The following CLINT1 variants were observed in gnomAD, a reference collection of about 807,000 sequenced individuals.
CLINT1 encodes the protein clathrin interacting protein localized in the trans-Golgi region.
Under a neutral mutation model 70.4 loss-of-function variants are expected in CLINT1, and 15 were observed. The observed-to-expected ratio is 0.21, with a 90% CI of 0.14 to 0.33. The LOEUF (loss-of-function observed/expected upper bound fraction) is 0.33, where lower values mean the gene tolerates loss of function less well. Among genes scored for constraint, CLINT1 ranks in the 10% least tolerant of loss-of-function variants. The pLI is 1.00. For synonymous variants in CLINT1, 227 were observed against 254.7 expected (o/e 0.89, Z 1.04); for missense variants, 615 against 778.1 (o/e 0.79, Z 2.49).
intron 1 of CLINT1, among the ~76,000 whole-genome samples, chr5:157,848,107 A>G (rs1184816801): frequency 3.9e-5 from 6 of 152,040 alleles, no homozygotes; most frequent in Non-Finnish European, 8.8e-5. Context: ...CACCTGGCCA[A>G]AAAAAATTTT....
At chr5:157,789,065 C>T (rs966442678) in intron 11 of CLINT1, among the ~76,000 whole-genome samples, 2 of 150,864 alleles carry the variant, frequency 1.3e-5, no homozygotes, top group East Asian at 1.9e-4. Context: ...GTTTGTCCAT[C>T]GTATTTGCCT....
chr5:157,847,510 CAA>C (rs71285035), intron 1 of CLINT1, among the ~76,000 whole-genome samples: 2 of 135,010 alleles, frequency 1.5e-5, no homozygotes, highest in Admixed American at 7.5e-5. Context: ...GACTCCGTCT[CAA>C]AAAAAAAAAA....
intron 1 of CLINT1, among the ~76,000 whole-genome samples, chr5:157,846,188 G>A (rs1382613235): frequency 6.6e-6 from 1 of 152,198 alleles, no homozygotes; most frequent in Non-Finnish European, 1.5e-5. Context: ...AGCTTAGGAA[G>A]GTATGTTGAA....
At chr5:157,816,883 G>T in intron 2 of CLINT1, 53 bp from the exon 3 acceptor site, 1 of 1,279,476 alleles carries the variant, frequency 7.8e-7, no homozygotes, top group Non-Finnish European at 1.1e-6. Flanking sequence ...TTTGACAGTA[G>T]ATGGCAGACT....
chr5:157,853,977 A>G lies in CLINT1; in HGVS notation c.41+4953T>C, dbSNP rs1342070752. Among the ~76,000 whole-genome samples, 5 of 152,090 alleles carry G rather than the reference A, an allele frequency of 3.3e-5. No homozygotes were observed. The East Asian group carries it at 7.7e-4, about 23-fold the overall frequency. On this transcript the variant is annotated intron_variant, in intron 1 of 11. Transcript: ENST00000411809. Reference sequence around the variant, plus strand: ...ATCTTTCTTTGGAATTAAATTCCTAATATCTACTTGTGTCCAGTTACTAGA... The same window carrying G: ...ATCTTTCTTTGGAATTAAATTCCTAGTATCTACTTGTGTCCAGTTACTAGA...
chr5:157,832,030 C>G (rs753475119), intron 1 of CLINT1, among the ~76,000 whole-genome samples: 1 of 151,954 alleles, frequency 6.6e-6, no homozygotes, highest in Non-Finnish European at 1.5e-5. Flanking sequence ...CACTGTCCCC[C>G]AAGCTGGAGT....
Position 157,785,965 on chromosome 5 carries a change from T to C in CLINT1, c.*1681A>G, listed in dbSNP as rs1267345937. 1 of 152,166 alleles carries C rather than the reference T, an allele frequency of 6.6e-6. No individual in the cohort carries two copies. Among genetic ancestry groups the C allele is most frequent in the Non-Finnish European group, 1.5e-5 (1 of 68,008 alleles). The allele number at this position is 152,166 out of a possible 1,614,324, so 9.4% of individuals were successfully genotyped here. On this transcript the variant is annotated 3_prime_UTR_variant, in exon 12 of 12. Transcript: ENST00000411809. Reference sequence around the variant, plus strand: ...TTAAACACATTGAATTGTTGAAAGATTAAAAACCGCAGTCAGCTAATTACA... The same window carrying C: ...TTAAACACATTGAATTGTTGAAAGACTAAAAACCGCAGTCAGCTAATTACA...
chr5:157,812,023 T>TAAAAAAAAA (rs370230447), intron 5 of CLINT1, among the ~76,000 whole-genome samples: 2 of 150,870 alleles, frequency 1.3e-5, no homozygotes, highest in African/African-American at 4.9e-5. Context: ...TAGCCCTATT[T>TAAAAAAAAA]AAAAAAAAGA....
At chr5:157,847,510 C>CA (rs71285035) in intron 1 of CLINT1, among the ~76,000 whole-genome samples, 10,932 of 134,710 alleles carry the variant, frequency 0.081, 562 homozygotes, top group Non-Finnish European at 0.12. Context: ...GACTCCGTCT[C>CA]AAAAAAAAAA....
At chr5:157,823,198 A>T (rs1185038104) in intron 1 of CLINT1, among the ~76,000 whole-genome samples, 1 of 152,232 alleles carries the variant, frequency 6.6e-6, no homozygotes, top group East Asian at 1.9e-4. Context: ...TAAAAGACAG[A>T]AACATCTGGA....
At chr5:157,812,619 G>A (rs188175505) in intron 5 of CLINT1, among the ~76,000 whole-genome samples, 10 of 152,266 alleles carry the variant, frequency 6.6e-5, no homozygotes, top group Non-Finnish European at 1.3e-4. Flanking sequence ...GACTGAGGCT[G>A]GAATGACTGT....
chr5:157,851,803 A>G (rs1339789973), intron 1 of CLINT1, among the ~76,000 whole-genome samples: 1 of 152,188 alleles, frequency 6.6e-6, no homozygotes, highest in Non-Finnish European at 1.5e-5. Flanking sequence ...ACTCACATTT[A>G]ATAATTCGTT....
chr5:157,824,220 A>G (rs2113239595), intron 1 of CLINT1, among the ~76,000 whole-genome samples: 1 of 152,308 alleles, frequency 6.6e-6, no homozygotes, highest in South Asian at 2.1e-4. Context: ...TGTGATATTC[A>G]TTTTTTATCA....
intron 1 of CLINT1, among the ~76,000 whole-genome samples, chr5:157,838,122 G>GTTTTTTTTT (rs199515235): frequency 4.6e-5 from 6 of 129,940 alleles, no homozygotes; most frequent in Admixed American, 8.0e-5. Context: ...AGGTTTTTTT[G>GTTTTTTTTT]TTTTTTTTTT....
At chr5:157,788,968 G>GAAAAAAAAAA (rs58634730) in intron 11 of CLINT1, among the ~76,000 whole-genome samples, 63 of 95,532 alleles carry the variant, frequency 6.6e-4, no homozygotes, top group African/African-American at 8.4e-4. Context: ...CTCCATCTCA[G>GAAAAAAAAAA]AAAAAAAAAA....
At chr5:157,856,944 T>C (rs1406705466) in intron 1 of CLINT1, among the ~76,000 whole-genome samples, 5 of 152,208 alleles carry the variant, frequency 3.3e-5, no homozygotes, top group Admixed American at 2.6e-4. Context: ...ATATGAAAGG[T>C]ACAACAATAG....
chr5:157,805,256 A>G (rs980543811), intron 7 of CLINT1, among the ~76,000 whole-genome samples: 5 of 152,352 alleles, frequency 3.3e-5, no homozygotes, highest in South Asian at 2.1e-4. Context: ...GACAAAAACA[A>G]TAATTTAGTC....
chr5:157,808,029 T>G (rs1762437673), intron 6 of CLINT1, among the ~76,000 whole-genome samples: 1 of 152,128 alleles, frequency 6.6e-6, no homozygotes, highest in Non-Finnish European at 1.5e-5. Flanking sequence ...TTTAGCACTT[T>G]GAATAAATCT....
intron 1 of CLINT1, among the ~76,000 whole-genome samples, chr5:157,829,108 C>A (rs1763136021): frequency 6.6e-6 from 1 of 151,316 alleles, no homozygotes; most frequent in Non-Finnish European, 1.5e-5. Context: ...CCTCAAACAA[C>A]AACAACAGCA....
Sources: gnomAD v4.1 joint callset for allele counts (sites outside exome capture counted in the v4.1 genomes callset) on GRCh38, gnomAD v4.1.1 for gene constraint, MANE v1.5 for transcripts, NCBI Gene and HGNC (gene_info 2026-07-23, HGNC 2026-07-21) for gene names.